ACOT11: variants seen among roughly 807,000 people sequenced by gnomAD.
ACOT11 encodes the protein acyl-coenzyme A thioesterase 11.
In ACOT11, 69 loss-of-function variants were observed where a neutral mutation model predicts 77.5. The observed-to-expected ratio is 0.89, with a 90% CI of 0.73 to 1.09. ACOT11 has a LOEUF of 1.09. Among genes scored for constraint, ACOT11 ranks in the 50% least tolerant of loss-of-function variants. The pLI is 0.00. For missense variants in ACOT11, 766 were observed against 813.7 expected (o/e 0.94, Z 0.71); for synonymous variants, 279 against 313.0 (o/e 0.89, Z 1.15).
rs2304303 is a variant in ACOT11 at position 54,599,307 on chromosome 1, G to T, written c.776G>T (p.Arg259Leu). 8 of 1,585,550 alleles carry T rather than the reference G, an allele frequency of 5.0e-6. No homozygotes were observed. The highest frequency in any genetic ancestry group is 6.0e-6 in the Non-Finnish European group (7 of 1,166,186). The change falls in exon 8 of 16, where the codon CGT (arginine) becomes CTT (leucine). Residue 259 changes from arginine (R) to leucine (L), a missense_variant. Coordinates refer to ENST00000343744, the MANE Select transcript of ACOT11 (RefSeq NM_147161.4). ...VATIAASRLCRAHPTLKAIEM... is the reference protein window; with the variant it reads ...VATIAASRLCLAHPTLKAIEM... Reference sequence around the variant, plus strand: ...CCCTGCCTCCTCAGCCGGCTCTGCCGTGCCCACCCTACGCTGAAGGCCATT... The same window carrying T: ...CCCTGCCTCCTCAGCCGGCTCTGCCTTGCCCACCCTACGCTGAAGGCCATT...
chr1:54,549,600 C>G (rs1569623163), intron 1 of ACOT11, among the ~76,000 whole-genome samples: 1 of 152,238 alleles, frequency 6.6e-6, no homozygotes, highest in Non-Finnish European at 1.5e-5. Context: ...CCATGAGCCT[C>G]TGTGTTAGCC....
At chr1:54,606,096 G>T (rs17398958) in intron 13 of ACOT11, among the ~76,000 whole-genome samples, 27,490 of 152,138 alleles carry the variant, frequency 0.18, 3,185 homozygotes, top group Non-Finnish European at 0.26. Context: ...TTATACATGG[G>T]CTTCCTGCTG....
chr1:54,553,954 G>A (rs920659788), intron 1 of ACOT11, among the ~76,000 whole-genome samples: 6 of 152,044 alleles, frequency 3.9e-5, no homozygotes, highest in East Asian at 1.9e-4. Context: ...TGGGCGGATC[G>A]CTTGAGCTCA....
At chr1:54,604,483 A>G in intron 12 of ACOT11, 54 bp downstream of exon 12, 1 of 1,511,694 alleles carries the variant, frequency 6.6e-7, no homozygotes, top group Non-Finnish European at 9.2e-7. Context: ...AGAGGTGGCT[A>G]ATGGCAAGCA....
At chr1:54,601,493 C>T (rs1643962897) in intron 9 of ACOT11, 80 bp downstream of exon 9, 1 of 1,553,242 alleles carries the variant, frequency 6.4e-7, no homozygotes, top group African/African-American at 1.3e-5. Context: ...GACTGCCAGC[C>T]CCCTACAGAC....
rs899423959 is a variant in ACOT11 at position 54,620,413 on chromosome 1, T to C, written c.1630-10321T>C. On this transcript the variant is annotated intron_variant, in intron 15 of 16. Transcript: ENST00000371316. ...AACATAAAAGTGGAATGTGGAAAGA[T>C]TGGAAGAGGGGGCCGGGCATGGTGG... Among the ~76,000 whole-genome samples the C allele has an allele frequency of 5.3e-5, 8 of 152,188 alleles. No homozygotes were observed. The South Asian group carries it at 1.0e-3, about 20-fold the overall frequency.
intron 7 of ACOT11, chr1:54,597,624 G>GCCAAGAGACCTGGTGTT: frequency 3.1e-6 from 2 of 646,368 alleles, no homozygotes; most frequent in Non-Finnish European, 5.2e-6. Context: ...GAAACACCAG[G>GCCAAGAGACCTGGTGTT]TCTCTTGGCC....
In ACOT11 at chr1:54,571,180, C is replaced by T. The variant is rs542280200; in HGVS notation, c.34-13475C>T. ...ATGTGGATATGGAGGTTCAGAATGG[C>T]TCAAGTAAAATGGCTTCGGGTTATC... On this transcript the variant is annotated intron_variant, in intron 1 of 15. Coordinates refer to ENST00000343744, the MANE Select transcript of ACOT11 (RefSeq NM_147161.4). Among the ~76,000 whole-genome samples, 7 of 151,886 alleles carry T rather than the reference C, an allele frequency of 4.6e-5. No homozygotes were observed. The South Asian group carries it at 1.5e-3, about 32-fold the overall frequency.
intron 15 of ACOT11, chr1:54,619,747 A>G: frequency 9.3e-7 from 1 of 1,072,176 alleles, no homozygotes; most frequent in East Asian, 2.5e-5. Context: ...CTCATGCTGA[A>G]AGACATGTAA....
chr1:54,604,786 T>C (rs1027589510), intron 12 of ACOT11, among the ~76,000 whole-genome samples: 1 of 152,104 alleles, frequency 6.6e-6, no homozygotes, highest in Non-Finnish European at 1.5e-5. Context: ...AGCTGCCTGT[T>C]CCCCTAGACA....
intron 1 of ACOT11, among the ~76,000 whole-genome samples, chr1:54,557,936 A>T (rs1238524034): frequency 6.6e-6 from 1 of 152,296 alleles, no homozygotes; most frequent in East Asian, 1.9e-4. Context: ...AAAAGTGGGC[A>T]TCTTTGTTTT....
intron 6 of ACOT11, among the ~76,000 whole-genome samples, chr1:54,595,252 A>T (rs1441749618): frequency 6.6e-6 from 1 of 152,126 alleles, no homozygotes; most frequent in Non-Finnish European, 1.5e-5. Context: ...GGGCTGAAGC[A>T]GGAGAATCGC....
At position 54,553,761 on chromosome 1, in the gene ACOT11, C is replaced by A. The variant is rs539098353; in HGVS notation, c.33+5419C>A. 1.9e-4 allele frequency among the ~76,000 whole-genome samples: 29 copies of A among 152,298 alleles called. 1 individual carries two copies. In the South Asian group the frequency reaches 6.0e-3, roughly 32 times the overall value. On this transcript the variant is annotated intron_variant, in intron 1 of 15. Coordinates refer to ENST00000343744, the MANE Select transcript of ACOT11 (RefSeq NM_147161.4). ...GACTAAGATCTCTCCATCCCCCCAA[C>A]AACCCCTGCCTCTGATAAGCAGCAT...
chr1:54,548,573 A>G lies in ACOT11; in HGVS notation c.33+231A>G, dbSNP rs568393946. On this transcript the variant is annotated intron_variant, in intron 1 of 15. Transcript: ENST00000343744. ...CAGATCCCCCACGGGCTGGCTGTGT[A>G]GAGTGGAATCACCTTCAGCAAGTGT... 1.9e-3 allele frequency: 1,127 copies of G among 604,400 alleles called. 5 individuals carry two copies. Among genetic ancestry groups the G allele is most frequent in the Admixed American group, 3.2e-3 (104 of 32,786 alleles). The allele number at this position is 604,400 out of a possible 1,614,324, so 37.4% of individuals were successfully genotyped here. A position where few individuals can be genotyped will look rare whatever the true frequency, so the allele number is the denominator to read the frequency against.
chr1:54,548,324 C>T lies in ACOT11; in HGVS notation c.15C>T (p.Val5=), dbSNP rs201880931. Residue 5 remains valine, a synonymous_variant, in exon 1 of 16, where the codon GTC becomes GTT. Coordinates refer to ENST00000343744, the MANE Select transcript of ACOT11 (RefSeq NM_147161.4). ...CACCCGGCGCGATGATCCAGAATGTCGGAAATCACCTGCGACGGGTATGGA... is the reference window on the plus strand; with the variant it reads ...CACCCGGCGCGATGATCCAGAATGTTGGAAATCACCTGCGACGGGTATGGA... The part of the protein sequence containing the change: MIQN[V]GNHLRRGLAS... 5.6e-5 allele frequency: 90 copies of T among 1,602,330 alleles called. No individual in the cohort carries two copies. The highest frequency in any genetic ancestry group is 1.7e-4 in the Middle Eastern group (1 of 5,962).
chr1:54,553,026 C>T (rs1653125777), intron 1 of ACOT11, among the ~76,000 whole-genome samples: 1 of 150,794 alleles, frequency 6.6e-6, no homozygotes, highest in Non-Finnish European at 1.5e-5. Context: ...GGGGTTTCTC[C>T]ATGTTGGTCA....
chr1:54,548,441 C>CA, intron 1 of ACOT11, 99 bp downstream of exon 1: 1 of 1,392,266 alleles, frequency 7.2e-7, no homozygotes, highest in Non-Finnish European at 9.8e-7. Flanking sequence ...TGCATCTCCT[C>CA]ACACTCTCCA....
intron 1 of ACOT11, among the ~76,000 whole-genome samples, chr1:54,577,006 T>C (rs1242515732): frequency 6.6e-6 from 1 of 152,202 alleles, no homozygotes; most frequent in African/African-American, 2.4e-5. Context: ...GGCTATACAC[T>C]CTGCTTTCTG....
intron 1 of ACOT11, among the ~76,000 whole-genome samples, chr1:54,574,604 G>A (rs547479857): frequency 3.9e-5 from 6 of 152,270 alleles, no homozygotes; most frequent in South Asian, 4.1e-4. Flanking sequence ...ACCGGTCTGT[G>A]GGGGGTGCTC....
Sources: gnomAD v4.1 joint callset for allele counts (sites outside exome capture counted in the v4.1 genomes callset) on GRCh38, gnomAD v4.1.1 for gene constraint, MANE v1.5 for transcripts, NCBI Gene and HGNC (gene_info 2026-07-23, HGNC 2026-07-21) for gene names.